HMCN2: variants seen among roughly 807,000 people sequenced by gnomAD.
The protein encoded by HMCN2 is hemicentin-2.
HMCN2 carries 325 observed loss-of-function variants against 377.5 expected under a neutral mutation model. The ratio of observed to expected loss-of-function variants is 0.86; its 90% CI spans 0.79 to 0.94. The LOEUF (loss-of-function observed/expected upper bound fraction) is 0.94. HMCN2 is among the 40% of genes least tolerant of loss of function. The pLI, the probability that HMCN2 is intolerant of heterozygous loss-of-function variation, is 0.00. For synonymous variants in HMCN2, 2,007 were observed against 2,046.8 expected (o/e 0.98, Z 0.53); for missense variants, 4,543 against 4,725.3 (o/e 0.96, Z 1.13).
rs573213826 is a variant in HMCN2 at position 130,407,693 on chromosome 9, G to A, written c.12676G>A (p.Val4226Ile). 61 of 1,249,780 alleles carry A rather than the reference G, an allele frequency of 4.9e-5. No homozygotes were observed. The African/African-American group carries it at 7.9e-4, about 16-fold the overall frequency. 77.4% of individuals were successfully genotyped at this position (1,249,780 alleles called of 1,614,324 possible). A position where few individuals can be genotyped will look rare whatever the true frequency, so the allele number is the denominator to read the frequency against. Residue 4226 changes from valine (V) to isoleucine (I), a missense_variant, in exon 83 of 98, where the codon GTC (valine) becomes ATC (isoleucine). Around this residue, in one of 5 missense-constraint regions of HMCN2, gnomAD observed 1,073 missense variants for 1,319.5 expected, o/e 0.81. Transcript: ENST00000683500. Reference sequence around the variant, plus strand: ...GGGCCGCACGCAGGCGGTCAGCTTCGTCCACGTGAAGGGTAGGGCACATTC... The same window carrying A: ...GGGCCGCACGCAGGCGGTCAGCTTCATCCACGTGAAGGGTAGGGCACATTC... ...RVGRTQAVSF[V>I]HVKEAPVLQG...
chr9:130,360,421 T>C lies in HMCN2; in HGVS notation c.5774-7T>C, dbSNP rs1564815735. ...TTTCCCCCTTGCATCTCTCTTCCTTTCCCCAGATGTCTCCTGGTTCAAGGG... is the reference window on the plus strand; with the variant it reads ...TTTCCCCCTTGCATCTCTCTTCCTTCCCCCAGATGTCTCCTGGTTCAAGGG... On this transcript the variant is annotated splice_polypyrimidine_tract_variant and splice_region_variant and intron_variant, in intron 37 of 97. Transcript: ENST00000683500. The surrounding 1 kb of genome is among the most constrained non-coding windows in gnomAD (Gnocchi z 4.7). 7.8e-7 allele frequency: 1 copy of C among 1,279,498 alleles called. No individual in the cohort carries two copies. Among genetic ancestry groups the C allele is most frequent in the Non-Finnish European group, 1.0e-6 (1 of 974,898 alleles). 79.3% of individuals were successfully genotyped at this position (1,279,498 alleles called of 1,614,324 possible). A position where few individuals can be genotyped will look rare whatever the true frequency, so the allele number is the denominator to read the frequency against.
Position 130,383,485 on chromosome 9 carries a change from T to C in HMCN2, c.8734-19T>C, listed in dbSNP as rs1841844252. On this transcript the variant is annotated intron_variant, in intron 56 of 97. Transcript: ENST00000683500. ...AGGGGTCTCAGGTATCTCCCAGGCATGGCTCCCTGCACCCACAGGTTTCCA... is the reference window on the plus strand; with the variant it reads ...AGGGGTCTCAGGTATCTCCCAGGCACGGCTCCCTGCACCCACAGGTTTCCA... 5.1e-6 allele frequency: 5 copies of C among 982,334 alleles called. No homozygotes were observed. Among genetic ancestry groups the C allele is most frequent in the Non-Finnish European group, 6.0e-6 (5 of 826,844 alleles). The allele number at this position is 982,334 out of a possible 1,614,324, so 60.9% of individuals were successfully genotyped here. A position where few individuals can be genotyped will look rare whatever the true frequency, so the allele number is the denominator to read the frequency against.
At chr9:130,363,917 GA>G (rs1374793349) in intron 40 of HMCN2, among the ~76,000 whole-genome samples, 1 of 43,768 alleles carries the variant, frequency 2.3e-5, no homozygotes, top group African/African-American at 4.2e-5. Flanking sequence ...GAAAGAAAAA[GA>G]AAGGAAAAAG....
At chr9:130,344,552 GTGT>G (rs1839238970) in intron 25 of HMCN2, among the ~76,000 whole-genome samples, 1 of 150,276 alleles carries the variant, frequency 6.7e-6, no homozygotes, top group African/African-American at 2.4e-5. Flanking sequence ...GTGGTATGTG[GTGT>G]TTGGTATGTG....
intron 71 of HMCN2, among the ~76,000 whole-genome samples, 176 bp downstream of exon 71, chr9:130,395,523 GGATGGGGACACT>G (rs925822632): frequency 1.1e-4 from 17 of 152,168 alleles, no homozygotes; most frequent in Non-Finnish European, 2.2e-4. Flanking sequence ...CCCATTTTAT[GGATGGGGACACT>G]GAGGCAAGGC....
At position 130,398,612 on chromosome 9, in the gene HMCN2, G is replaced by T. The variant is rs1426351773; in HGVS notation, c.11388G>T (p.Leu3796Phe). The change falls in exon 75 of 98, where the codon TTG becomes TTT. Residue 3796 changes from leucine to phenylalanine, a missense_variant. Physicochemically the swap from Leu to Phe is conservative, Grantham distance 22. This residue lies in a region of HMCN2 where 1,073 missense variants were observed against 1,319.5 expected (regional missense o/e 0.81). Coordinates refer to ENST00000683500, the MANE Select transcript of HMCN2 (RefSeq NM_001291815.2). ...CCCTGACCGCCCACACCCCAGCCTT[G>T]CTGCCCTGCGAGGCCAGCGGCTCCC... ...NLTLTAHTPA[L>F]LPCEASGSPK... 6 of 1,287,208 alleles carry T rather than the reference G, an allele frequency of 4.7e-6. No homozygotes were observed. Among genetic ancestry groups the T allele is most frequent in the Non-Finnish European group, 6.1e-6 (6 of 987,026 alleles). 79.7% of individuals were successfully genotyped at this position (1,287,208 alleles called of 1,614,324 possible).
intron 15 of HMCN2, among the ~76,000 whole-genome samples, chr9:130,317,691 G>A (rs1244876625): frequency 6.7e-6 from 1 of 148,376 alleles, no homozygotes; most frequent in African/African-American, 2.5e-5. Context: ...GTAGAGACGG[G>A]GTTTCCCCAT....
At chr9:130,298,779 T>C (rs1836309612) in intron 7 of HMCN2, among the ~76,000 whole-genome samples, 1 of 152,120 alleles carries the variant, frequency 6.6e-6, no homozygotes, top group Non-Finnish European at 1.5e-5. Context: ...TCAGAGGGGA[T>C]GCAGCCATTG....
At chr9:130,401,130 G>T (rs1842841673) in intron 77 of HMCN2, among the ~76,000 whole-genome samples, 183 bp downstream of exon 77, 1 of 152,194 alleles carries the variant, frequency 6.6e-6, no homozygotes, top group African/African-American at 2.4e-5. Flanking sequence ...TCCATGCTCT[G>T]CAGTGTTGAG....
chr9:130,312,389 G>A (rs1837290275), intron 15 of HMCN2, among the ~76,000 whole-genome samples: 1 of 151,904 alleles, frequency 6.6e-6, no homozygotes, highest in Non-Finnish European at 1.5e-5. Context: ...GCTCCAGGGA[G>A]GGTGTACCTT....
In HMCN2 at chr9:130,422,254, C is replaced by T. The variant is rs914465365; in HGVS notation, c.13232-323C>T. On this transcript the variant is annotated intron_variant, in intron 86 of 97. Transcript: ENST00000683500. This position sits in a 1 kb window ranked among gnomAD's most constrained non-coding sequence, Gnocchi z 4.2. ...CAGGTCTTCTGTGAGTTTGTGGTCCCGCCTCCTCATTTTACAGGTGAGCCA... is the reference window on the plus strand; with the variant it reads ...CAGGTCTTCTGTGAGTTTGTGGTCCTGCCTCCTCATTTTACAGGTGAGCCA... Among the ~76,000 whole-genome samples, 8 of 152,234 alleles carry T rather than the reference C, an allele frequency of 5.3e-5. No homozygotes were observed. Among genetic ancestry groups the T allele is most frequent in the Admixed American group, 2.0e-4 (3 of 15,284 alleles).
chr9:130,424,879 G>A lies in HMCN2; in HGVS notation c.13485G>A (p.Arg4495=). 5 of 1,461,676 alleles carry A rather than the reference G, an allele frequency of 3.4e-6. No homozygotes were observed. The highest frequency in any genetic ancestry group is 4.5e-6 in the Non-Finnish European group (5 of 1,101,560). 90.5% of individuals were successfully genotyped at this position (1,461,676 alleles called of 1,614,324 possible). A position where few individuals can be genotyped will look rare whatever the true frequency, so the allele number is the denominator to read the frequency against. ...ATGGCCACTCTCTGACTGGGGGCAGGTTCCGGCAGGAGTCACACGTGGAGT... is the reference window on the plus strand; with the variant it reads ...ATGGCCACTCTCTGACTGGGGGCAGATTCCGGCAGGAGTCACACGTGGAGT... The part of the protein sequence containing the change: ...ALNGHSLTGG[R]FRQESHVEFA... Residue 4495 remains arginine (R), a synonymous_variant, in exon 88 of 98, where the codon AGG becomes AGA. Coordinates refer to ENST00000683500, the MANE Select transcript of HMCN2 (RefSeq NM_001291815.2).
At chr9:130,419,356 C>T (rs761317959) in intron 86 of HMCN2, 15 of 239,978 alleles carry the variant, frequency 6.3e-5, no homozygotes, top group Middle Eastern at 1.2e-3. Context: ...AGGGCATCCC[C>T]GGTGCCCTCG....
At chr9:130,309,537 A>AG (rs1837101521) in intron 14 of HMCN2, among the ~76,000 whole-genome samples, 1 of 141,238 alleles carries the variant, frequency 7.1e-6, no homozygotes, top group East Asian at 2.2e-4. Context: ...AAAAAAAAAA[A>AG]GGAAAAAAAA....
intron 22 of HMCN2, among the ~76,000 whole-genome samples, chr9:130,329,545 T>C (rs1038712914): frequency 6.6e-6 from 1 of 150,960 alleles, no homozygotes; most frequent in African/African-American, 2.4e-5. Flanking sequence ...CTGGTTCAAC[T>C]GATTCTCCTG....
rs1844703131 is a variant in HMCN2, at chr9:130,430,875, A to G, written c.14647+271A>G. 4 of 510,924 alleles carry G rather than the reference A, an allele frequency of 7.8e-6. No homozygotes were observed. The South Asian group carries it at 1.2e-4, about 15-fold the overall frequency. The allele number at this position is 510,924 out of a possible 1,614,324, so 31.6% of individuals were successfully genotyped here. Reference sequence around the variant, plus strand: ...GCCCAGAGGGAGGGCATCCTAGGCAAGTGGTCCTGGGAACCCCCTTTGAGA... The same window carrying G: ...GCCCAGAGGGAGGGCATCCTAGGCAGGTGGTCCTGGGAACCCCCTTTGAGA... On this transcript the variant is annotated intron_variant, in intron 95 of 97. Transcript: ENST00000683500.
intron 34 of HMCN2, among the ~76,000 whole-genome samples, 184 bp from the exon 35 acceptor site, chr9:130,357,650 C>A (rs1272684133): frequency 6.6e-6 from 1 of 152,102 alleles, no homozygotes; most frequent in Admixed American, 6.5e-5. Flanking sequence ...TGCTGGCTCC[C>A]AGTCTAGAGC....
chr9:130,433,555 G>A lies in HMCN2; in HGVS notation c.15102G>A (p.Leu5034=). 6.8e-7 allele frequency: 1 copy of A among 1,470,552 alleles called. No homozygotes were observed. The highest frequency in any genetic ancestry group is 9.0e-7 in the Non-Finnish European group (1 of 1,116,696). The allele number at this position is 1,470,552 out of a possible 1,614,324, so 91.1% of individuals were successfully genotyped here. The change falls in exon 98 of 98, where the codon CTG becomes CTA. Residue 5034 remains leucine (L), a synonymous_variant. Coordinates refer to ENST00000683500, the MANE Select transcript of HMCN2 (RefSeq NM_001291815.2). ...DPRSPFALRP[L]RAGLGAVYTR... is the part of the protein sequence containing the mutation. ...GCAGCCCCTTCGCGCTGCGTCCGCTGCGCGCGGGCCTTGGCGCGGTCTACA... is the reference window on the plus strand; with the variant it reads ...GCAGCCCCTTCGCGCTGCGTCCGCTACGCGCGGGCCTTGGCGCGGTCTACA...
In HMCN2 at chr9:130,303,915, G is replaced by A. The variant is rs536966697; in HGVS notation, c.1543+307G>A. Among the ~76,000 whole-genome samples the A allele has an allele frequency of 4.6e-5, 7 of 152,304 alleles. No individual in the cohort carries two copies. The highest frequency in any genetic ancestry group is 2.6e-4 in the Admixed American group (4 of 15,290). On this transcript the variant is annotated intron_variant, in intron 10 of 97. Transcript: ENST00000683500. The surrounding 1 kb of genome is among the most constrained non-coding windows in gnomAD (Gnocchi z 5.2). The stretch of plus-strand genomic sequence containing the variant: ...AGGGGCCGCCATCCATCTCGTGGTC[G>A]GGACAACCTTCGTGCCTCCAAGTCC...
Sources: gnomAD v4.1 joint callset for allele counts (sites outside exome capture counted in the v4.1 genomes callset) on GRCh38, gnomAD v4.1.1 for gene constraint, gnomAD v4.1.1 regional missense constraint, Gnocchi (gnomAD v3.1) non-coding constraint, MANE v1.5 for transcripts, NCBI Gene and HGNC (gene_info 2026-07-23, HGNC 2026-07-21) for gene names.